MCOLN2: variants seen among roughly 807,000 people sequenced by gnomAD.
The protein encoded by MCOLN2 is mucolipin TRP cation channel 2, also known as mucolipin-2.
Under a neutral mutation model 67.5 loss-of-function variants are expected in MCOLN2, and 57 were observed. The observed-to-expected ratio is 0.84, with a 90% CI of 0.68 to 1.05. MCOLN2 has a LOEUF of 1.05. Ranked by LOEUF, MCOLN2 falls within the 50% of genes least tolerant of loss-of-function variation. MCOLN2 has a pLI of 0.00. For synonymous variants in MCOLN2, 246 were observed against 233.3 expected, an observed-to-expected ratio of 1.05 and a Z score of -0.50; for missense variants, 620 against 678.8, an observed-to-expected ratio of 0.91 and a Z score of 0.96.
chr1:84,956,366 A>C, intron 4 of MCOLN2, 65 bp downstream of exon 4: 1 of 1,539,682 alleles, frequency 6.5e-7, no homozygotes, highest in Non-Finnish European at 8.8e-7. Flanking sequence ...TTGCTAGCAC[A>C]TGAGGGCATT....
chr1:84,975,085 C>T (rs940340936), intron 1 of MCOLN2, among the ~76,000 whole-genome samples: 16 of 152,356 alleles, frequency 1.1e-4, no homozygotes, highest in South Asian at 2.1e-4. Flanking sequence ...GACAGCACCT[C>T]TGGACCCAGG....
intron 1 of MCOLN2, among the ~76,000 whole-genome samples, chr1:84,986,729 T>C (rs372304839): frequency 3.3e-5 from 5 of 151,398 alleles, no homozygotes; most frequent in South Asian, 4.2e-4. Context: ...AAGACATGAA[T>C]AGACAATTCT....
At position 84,958,539 on chromosome 1, in the gene MCOLN2, G is replaced by A. The variant is rs139659539; in HGVS notation, c.401C>T (p.Ala134Val). 1.2e-6 allele frequency: 2 copies of A among 1,601,236 alleles called. No homozygotes were observed. Among genetic ancestry groups the A allele is most frequent in the Non-Finnish European group, 1.7e-6 (2 of 1,177,262 alleles). The change falls in exon 3 of 14, where the codon GCT becomes GTT. Residue 134 changes from alanine to valine, a missense_variant. By Grantham distance (64) the Ala-to-Val change is moderately conservative. Transcript: ENST00000370608. ...CAACAAAACACTTGCCTGATTAATA[G>A]CAAAAAAGATGCTCTCATAGGCATC... ...QEDAYESIFF[A>V]INQYHQLKDI...
intron 1 of MCOLN2, among the ~76,000 whole-genome samples, chr1:84,987,604 GTA>G (rs1180153335): frequency 3.9e-5 from 3 of 77,752 alleles, no homozygotes; most frequent in African/African-American, 1.4e-4. Flanking sequence ...GTATATAGAT[GTA>G]TATCAATCTA....
At chr1:84,969,856 C>T (rs1029108271) in intron 1 of MCOLN2, among the ~76,000 whole-genome samples, 9 of 152,092 alleles carry the variant, frequency 5.9e-5, no homozygotes, top group African/African-American at 1.4e-4. Context: ...GTAAATATTA[C>T]GGAAGCAGAG....
At chr1:84,951,435 C>T (rs1648454913) in intron 6 of MCOLN2, among the ~76,000 whole-genome samples, 1 of 152,208 alleles carries the variant, frequency 6.6e-6, no homozygotes, top group South Asian at 2.1e-4. Flanking sequence ...AGGCAGCTTA[C>T]TTCCCCATAA....
intron 1 of MCOLN2, among the ~76,000 whole-genome samples, chr1:84,990,253 G>C (rs6699356): frequency 0.16 from 21,986 of 135,122 alleles, 1,787 homozygotes; most frequent in East Asian, 0.27. Context: ...AGCTGAGATC[G>C]CGCCACTGCA....
At chr1:84,961,792 T>C (rs1219485632) in intron 2 of MCOLN2, among the ~76,000 whole-genome samples, 1 of 152,042 alleles carries the variant, frequency 6.6e-6, no homozygotes, top group Non-Finnish European at 1.5e-5. Flanking sequence ...CTGGCAAAGA[T>C]TGTGAATTTA....
chr1:84,946,377 A>G (rs1460383567), intron 7 of MCOLN2, among the ~76,000 whole-genome samples: 1 of 152,164 alleles, frequency 6.6e-6, no homozygotes, highest in Non-Finnish European at 1.5e-5. Context: ...AGCAATTAAT[A>G]TGTGCCAACT....
At chr1:84,926,748 G>T (rs1482339891) in intron 13 of MCOLN2, 27 bp from the exon 14 acceptor site, 5 of 1,570,318 alleles carry the variant, frequency 3.2e-6, no homozygotes, top group East Asian at 4.5e-5. Context: ...AAGAAGAAAA[G>T]AGGAAAGATA....
intron 1 of MCOLN2, among the ~76,000 whole-genome samples, chr1:84,990,828 G>C (rs968958377): frequency 2.6e-5 from 3 of 117,350 alleles, no homozygotes; most frequent in African/African-American, 8.2e-5. Context: ...CAATTACTTG[G>C]GGGGGCTGAG....
At chr1:84,941,033 C>A in intron 7 of MCOLN2, 42 bp from the exon 8 acceptor site, 1 of 1,288,508 alleles carries the variant, frequency 7.8e-7, no homozygotes, top group East Asian at 2.4e-5. Flanking sequence ...CACACCTTAC[C>A]GGAGAATAAT....
chr1:84,982,090 A>T (rs201864387), intron 1 of MCOLN2, among the ~76,000 whole-genome samples: 28 of 133,278 alleles, frequency 2.1e-4, no homozygotes, highest in East Asian at 9.8e-4. Flanking sequence ...TTTTTTTTAA[A>T]AAAAAGATGA....
At chr1:84,937,132 T>C (rs1647473344) in intron 11 of MCOLN2, among the ~76,000 whole-genome samples, 1 of 152,232 alleles carries the variant, frequency 6.6e-6, no homozygotes, top group African/African-American at 2.4e-5. Flanking sequence ...TCCTGATGCA[T>C]CTACCAATCA....
At chr1:84,958,842 A>G (rs990828537) in intron 2 of MCOLN2, 140 bp from the exon 3 acceptor site, 13 of 553,632 alleles carry the variant, frequency 2.3e-5, no homozygotes, top group Non-Finnish European at 4.0e-5. Flanking sequence ...AATAGCATCA[A>G]TGTCAAAATA....
intron 8 of MCOLN2, 59 bp from the exon 9 acceptor site, chr1:84,939,761 A>C (rs1284756571): frequency 1.9e-6 from 3 of 1,573,490 alleles, no homozygotes; most frequent in South Asian, 1.1e-5. Flanking sequence ...TGGAAGAAGA[A>C]GGCAAGTGCA....
rs1164538218 is a variant in MCOLN2 at position 84,996,387 on chromosome 1, A to C, written c.77+409T>G. The stretch of plus-strand genomic sequence containing the variant: ...GACACACACACTTACACATACGTAT[A>C]TATTTCATATATATATATATATATA... On this transcript the variant is annotated intron_variant, in intron 1 of 13. Transcript: ENST00000370608. Among the ~76,000 whole-genome samples the C allele has an allele frequency of 1.7e-5, 2 of 117,760 alleles. 1 individual carries two copies. The allele number at this position is 117,760 out of a possible 152,430, so 77.3% of individuals were successfully genotyped here. A position where few individuals can be genotyped will look rare whatever the true frequency, so the allele number is the denominator to read the frequency against.
At chr1:84,956,180 TG>T (rs1648777737) in intron 4 of MCOLN2, among the ~76,000 whole-genome samples, 1 of 150,758 alleles carries the variant, frequency 6.6e-6, no homozygotes, top group African/African-American at 2.4e-5. Flanking sequence ...ACAGGACCTG[TG>T]AATATACCCC....
At chr1:84,972,545 T>A (rs1056494828) in intron 1 of MCOLN2, among the ~76,000 whole-genome samples, 4 of 152,174 alleles carry the variant, frequency 2.6e-5, no homozygotes, top group Non-Finnish European at 4.4e-5. Context: ...CTGAGACTGG[T>A]ACTGTGGTAA....
Sources: allele counts gnomAD v4.1 joint callset (sites outside exome capture counted in the v4.1 genomes callset), GRCh38; gene constraint gnomAD v4.1.1; transcripts MANE v1.5; gene names NCBI Gene and HGNC (gene_info 2026-07-23, HGNC 2026-07-21).